DEPDC1B: variants seen among roughly 807,000 people sequenced by gnomAD.
DEPDC1B encodes the protein DEP domain containing 1B, also known as DEP domain-containing protein 1B.
In DEPDC1B, 51 loss-of-function variants were observed where a neutral mutation model predicts 66.5. The observed-to-expected ratio is 0.77, with a 90% CI of 0.61 to 0.97. The LOEUF (loss-of-function observed/expected upper bound fraction) is 0.97, where lower values mean the gene tolerates loss of function less well. Among genes scored for constraint, DEPDC1B ranks in the 50% least tolerant of loss-of-function variants. The pLI is 0.00. For missense variants in DEPDC1B, 552 were observed against 637.1 expected (o/e 0.87, Z 1.44); for synonymous variants, 226 against 223.6 (o/e 1.01, Z -0.10).
At position 60,667,822 on chromosome 5, in the gene DEPDC1B, AT is replaced by A. The variant is rs1390775238; in HGVS notation, c.314+19139del. Among the ~76,000 whole-genome samples, 12 of 126,072 alleles carry A rather than the reference AT, an allele frequency of 9.5e-5. 2 individuals are homozygous for A. The highest frequency in any genetic ancestry group is 1.7e-4 in the Non-Finnish European group (11 of 63,362). 82.7% of individuals were successfully genotyped at this position (126,072 alleles called of 152,430 possible). A position where few individuals can be genotyped will look rare whatever the true frequency, so the allele number is the denominator to read the frequency against. On this transcript the variant is annotated intron_variant, in intron 2 of 10. Transcript: ENST00000265036. ...TTTTACATATATATAAAAAATGGAT[AT>A]TTTACATATATGTAAAAAATGGATA...
At chr5:60,617,453 C>A (rs1452367995) in intron 7 of DEPDC1B, among the ~76,000 whole-genome samples, 1 of 152,046 alleles carries the variant, frequency 6.6e-6, no homozygotes, top group East Asian at 1.9e-4. Context: ...ATCTGCGAAG[C>A]AAATGGAAAA....
Position 60,665,835 on chromosome 5 carries a change from G to A in DEPDC1B, c.315-18302C>T, listed in dbSNP as rs190904456. Among the ~76,000 whole-genome samples the A allele has an allele frequency of 2.2e-4, 33 of 152,292 alleles. No homozygotes were observed. In the East Asian group the frequency reaches 6.0e-3, roughly 28 times the overall value. On this transcript the variant is annotated intron_variant, in intron 2 of 10. Transcript: ENST00000265036. The stretch of plus-strand genomic sequence containing the variant: ...CCCAACTAATCACGTAGTAAAGAGG[G>A]CTCACTAAAATACAAATTAGGCTAA...
intron 1 of DEPDC1B, among the ~76,000 whole-genome samples, chr5:60,698,303 G>A (rs1054351230): frequency 6.6e-6 from 1 of 152,246 alleles, no homozygotes; most frequent in African/African-American, 2.4e-5. Flanking sequence ...CCATCAAGAA[G>A]TGGAGTTGAA....
At chr5:60,655,888 G>A (rs369161176) in intron 2 of DEPDC1B, among the ~76,000 whole-genome samples, 1 of 148,964 alleles carries the variant, frequency 6.7e-6, no homozygotes, top group Non-Finnish European at 1.5e-5. Flanking sequence ...AATAATCCAG[G>A]AGCAGGTTAT....
chr5:60,643,138 CCAAA>C (rs373370995), intron 5 of DEPDC1B, among the ~76,000 whole-genome samples: 31 of 152,018 alleles, frequency 2.0e-4, no homozygotes, highest in East Asian at 9.7e-4. Flanking sequence ...ATAGTTTGCT[CCAAA>C]CAAACAAACA....
chr5:60,659,539 C>A (rs1753658762), intron 2 of DEPDC1B, among the ~76,000 whole-genome samples: 1 of 152,194 alleles, frequency 6.6e-6, no homozygotes, highest in Non-Finnish European at 1.5e-5. Flanking sequence ...TCACAATTTT[C>A]CTGGGGAAGC....
chr5:60,606,746 T>C (rs962091750), intron 7 of DEPDC1B, among the ~76,000 whole-genome samples: 4 of 151,022 alleles, frequency 2.6e-5, no homozygotes, highest in African/African-American at 9.7e-5. Flanking sequence ...TGAGCCATAA[T>C]GGCACCAGCC....
chr5:60,696,912 G>T (rs1754668871), intron 1 of DEPDC1B, among the ~76,000 whole-genome samples: 1 of 149,760 alleles, frequency 6.7e-6, no homozygotes, highest in South Asian at 2.1e-4. Flanking sequence ...GACTGGTCTG[G>T]GAGTTCAGTG....
intron 8 of DEPDC1B, among the ~76,000 whole-genome samples, chr5:60,603,952 T>A (rs1194073460): frequency 2.0e-5 from 3 of 151,722 alleles, no homozygotes; most frequent in Non-Finnish European, 1.5e-5. Flanking sequence ...TTTATAGCCA[T>A]TTAGTCAATT....
chr5:60,634,171 A>G (rs16878297), intron 7 of DEPDC1B, among the ~76,000 whole-genome samples: 5,911 of 152,254 alleles, frequency 0.039, 371 homozygotes, highest in African/African-American at 0.13. Context: ...TAATCTGCCT[A>G]GACACCAAGC....
chr5:60,684,840 A>C (rs1410073635), intron 2 of DEPDC1B, among the ~76,000 whole-genome samples: 1 of 152,220 alleles, frequency 6.6e-6, no homozygotes, highest in Non-Finnish European at 1.5e-5. Context: ...TCATCCAACA[A>C]GGGACTAATA....
intron 2 of DEPDC1B, among the ~76,000 whole-genome samples, chr5:60,662,950 G>A (rs900355351): frequency 5.9e-5 from 9 of 152,078 alleles, no homozygotes; most frequent in East Asian, 1.9e-4. Flanking sequence ...GTCACTATCC[G>A]AGGAGTCCTA....
intron 2 of DEPDC1B, among the ~76,000 whole-genome samples, chr5:60,651,345 T>C (rs1753446469): frequency 6.6e-6 from 1 of 151,926 alleles, no homozygotes; most frequent in South Asian, 2.1e-4. Flanking sequence ...CTGGCCAACA[T>C]CGTGAAATCT....
intron 2 of DEPDC1B, among the ~76,000 whole-genome samples, chr5:60,659,558 G>A (rs1753659268): frequency 1.3e-5 from 2 of 152,206 alleles, no homozygotes; most frequent in Admixed American, 6.5e-5. Flanking sequence ...GCCAAGGGCT[G>A]ACTAGTAGCA....
At chr5:60,603,341 G>T in intron 9 of DEPDC1B, 50 bp downstream of exon 9, 1 of 1,437,206 alleles carries the variant, frequency 7.0e-7, no homozygotes, top group Non-Finnish European at 9.2e-7. Context: ...GCAAGCTTAC[G>T]TGACTTTATA....
At chr5:60,643,547 C>T (rs1329190073) in intron 5 of DEPDC1B, among the ~76,000 whole-genome samples, 1 of 152,182 alleles carries the variant, frequency 6.6e-6, no homozygotes, top group Non-Finnish European at 1.5e-5. Context: ...TGCGAAGACA[C>T]TTGTTGAATT....
At chr5:60,642,997 T>C in intron 5 of DEPDC1B, 138 bp from the exon 6 acceptor site, 2 of 637,320 alleles carry the variant, frequency 3.1e-6, no homozygotes, top group Non-Finnish European at 5.4e-6. Flanking sequence ...TTTATGTTAT[T>C]AGAACATTTA....
At chr5:60,667,890 A>T (rs1466532642) in intron 2 of DEPDC1B, among the ~76,000 whole-genome samples, 1 of 88,178 alleles carries the variant, frequency 1.1e-5, no homozygotes, top group African/African-American at 3.8e-5. Context: ...CATATATGTA[A>T]AAAATGGATA....
chr5:60,614,895 A>T (rs1752505631), intron 7 of DEPDC1B, among the ~76,000 whole-genome samples: 1 of 152,190 alleles, frequency 6.6e-6, no homozygotes, highest in Non-Finnish European at 1.5e-5. Flanking sequence ...GGAGGCAGAG[A>T]CAGGAGAATC....
Sources: allele counts gnomAD v4.1 joint callset (sites outside exome capture counted in the v4.1 genomes callset), GRCh38; gene constraint gnomAD v4.1.1; transcripts MANE v1.5; gene names NCBI Gene and HGNC (gene_info 2026-07-23, HGNC 2026-07-21).